The following CREB5 variants were observed in gnomAD, a reference collection of about 807,000 sequenced individuals.
CREB5 encodes cAMP responsive element binding protein 5, also known as cyclic AMP-responsive element-binding protein 5.
Under a neutral mutation model 57.1 loss-of-function variants are expected in CREB5, and 19 were observed. That is an observed-to-expected ratio of 0.33 (90% CI 0.23 to 0.49). The LOEUF (loss-of-function observed/expected upper bound fraction) is 0.49, where lower values mean the gene tolerates loss of function less well. CREB5 is among the 20% of genes least tolerant of loss of function. The probability of loss-of-function intolerance (pLI) is 0.99; values close to 1 mark genes in which losing one functional copy is unlikely to be tolerated. For synonymous variants in CREB5, 238 were observed against 238.3 expected (o/e 1.00, Z 0.01); for missense variants, 579 against 671.6 (o/e 0.86, Z 1.52).
At chr7:28,688,539 A>G (rs1272102795) in intron 5 of CREB5, among the ~76,000 whole-genome samples, 3 of 152,240 alleles carry the variant, frequency 2.0e-5, no homozygotes, top group Non-Finnish European at 4.4e-5. Flanking sequence ...TTCAAAGATC[A>G]TGAAAAGCAA....
chr7:28,667,994 A>G (rs1232218288), intron 5 of CREB5, among the ~76,000 whole-genome samples: 1 of 152,202 alleles, frequency 6.6e-6, no homozygotes, highest in African/African-American at 2.4e-5. Context: ...AGTCACATGA[A>G]GTTAATCATA....
intron 7 of CREB5, among the ~76,000 whole-genome samples, chr7:28,736,851 C>T (rs1034686980): frequency 6.8e-6 from 1 of 147,234 alleles, no homozygotes; most frequent in Admixed American, 6.8e-5. Context: ...TAACAGTAGG[C>T]CCCTGATGTT....
chr7:28,628,039 G>T (rs1156701919), intron 5 of CREB5, among the ~76,000 whole-genome samples: 1 of 151,952 alleles, frequency 6.6e-6, no homozygotes, highest in Non-Finnish European at 1.5e-5. Context: ...CTCTTTTCCA[G>T]TTATTTGGAA....
chr7:28,669,076 C>T (rs546423674), intron 5 of CREB5, among the ~76,000 whole-genome samples: 1 of 152,258 alleles, frequency 6.6e-6, no homozygotes, highest in Admixed American at 6.5e-5. Context: ...CCCTTTCTTG[C>T]AATGAAAACA....
At chr7:28,559,667 C>T (rs1367403132) in intron 4 of CREB5, among the ~76,000 whole-genome samples, 5 of 152,198 alleles carry the variant, frequency 3.3e-5, no homozygotes, top group African/African-American at 1.2e-4. Flanking sequence ...ACGTGCCTGA[C>T]TTAGACAAGA....
chr7:28,417,944 G>C (rs1405555767), intron 1 of CREB5, among the ~76,000 whole-genome samples: 1 of 152,192 alleles, frequency 6.6e-6, no homozygotes, highest in Non-Finnish European at 1.5e-5. Flanking sequence ...TGCTTCACTA[G>C]AAATCTTAAT....
chr7:28,562,651 G>A (rs1372000130), intron 4 of CREB5, among the ~76,000 whole-genome samples: 1 of 152,170 alleles, frequency 6.6e-6, no homozygotes, highest in Non-Finnish European at 1.5e-5. Context: ...CAAGTCAAAG[G>A]GGAGCTGCCT....
At chr7:28,380,434 C>A (rs2127995750) in intron 1 of CREB5, among the ~76,000 whole-genome samples, 1 of 152,298 alleles carries the variant, frequency 6.6e-6, no homozygotes, top group South Asian at 2.1e-4. Flanking sequence ...TAATGGCTGA[C>A]ACCAGGTCTG....
chr7:28,641,037 C>T (rs183774465), intron 5 of CREB5, among the ~76,000 whole-genome samples: 22 of 152,268 alleles, frequency 1.4e-4, no homozygotes, highest in African/African-American at 5.1e-4. Context: ...TCATCCTGAA[C>T]GACATCACCC....
intron 1 of CREB5, among the ~76,000 whole-genome samples, chr7:28,316,625 A>G (rs1202919242): frequency 6.6e-6 from 1 of 152,138 alleles, no homozygotes; most frequent in Non-Finnish European, 1.5e-5. Context: ...AACAAGGCCC[A>G]GGAAGTCCCC....
intron 7 of CREB5, among the ~76,000 whole-genome samples, chr7:28,777,279 A>G (rs1333248893): frequency 6.6e-6 from 1 of 152,236 alleles, no homozygotes. Context: ...GTGATGTGCT[A>G]CTATCCGGTG....
chr7:28,568,791 A>C (rs1411455668), intron 4 of CREB5, among the ~76,000 whole-genome samples: 3 of 152,196 alleles, frequency 2.0e-5, no homozygotes, highest in Non-Finnish European at 4.4e-5. Flanking sequence ...AAACCTGGGA[A>C]AGGTGCAATG....
chr7:28,472,397 G>A (rs1385290261), intron 1 of CREB5, among the ~76,000 whole-genome samples: 1 of 152,098 alleles, frequency 6.6e-6, no homozygotes, highest in Non-Finnish European at 1.5e-5. Flanking sequence ...TATGACATAG[G>A]TATTATCTCT....
Position 28,819,224 on chromosome 7 carries a change from G to A in CREB5, c.1472G>A (p.Ser491Asn). 6.2e-7 allele frequency: 1 copy of A among 1,613,880 alleles called. No homozygotes were observed. The highest frequency in any genetic ancestry group is 8.5e-7 in the Non-Finnish European group (1 of 1,179,884). The stretch of plus-strand genomic sequence containing the variant: ...TCATCGGTCAGCGAGGTGGTAGGAA[G>A]CTCCACCCTCAGCCAGCTCACCACT... ...TSSSVSEVVG[S>N]STLSQLTTHR... The change falls in exon 11 of 11, where the codon AGC becomes AAC. Residue 491 changes from serine to asparagine, a missense_variant. This residue lies in a region of CREB5 where 114 missense variants were observed against 130.8 expected (regional missense o/e 0.87). Transcript: ENST00000357727.
chr7:28,553,844 A>G (rs545373732), intron 4 of CREB5, among the ~76,000 whole-genome samples: 11 of 152,350 alleles, frequency 7.2e-5, no homozygotes, highest in African/African-American at 2.6e-4. Context: ...ATGTCTTTCC[A>G]GAATAAAATG....
Position 28,470,889 on chromosome 7 carries a change from T to C in CREB5, c.4-17286T>C, listed in dbSNP as rs138993535. Among the ~76,000 whole-genome samples the C allele has an allele frequency of 8.7e-3, 1,328 of 152,348 alleles. 29 individuals carry two copies. The highest frequency in any genetic ancestry group is 0.029 in the African/African-American group (1,222 of 41,580). ...TTTGTATGTCTTCTTTTGAGAAATGTCTCTTCAAATTTTTTGCCCAATTTT... is the reference window on the plus strand; with the variant it reads ...TTTGTATGTCTTCTTTTGAGAAATGCCTCTTCAAATTTTTTGCCCAATTTT... On this transcript the variant is annotated intron_variant, in intron 1 of 10. Coordinates refer to ENST00000357727, the MANE Select transcript of CREB5 (RefSeq NM_182898.4).
rs542219263 is a variant in CREB5 at position 28,328,307 on chromosome 7, A to G, written c.-25+28866A>G. Among the ~76,000 whole-genome samples, 11 of 152,354 alleles carry G rather than the reference A, an allele frequency of 7.2e-5. No individual in the cohort carries two copies. In the South Asian group the frequency reaches 2.3e-3, roughly 32 times the overall value. ...ATTGTCATGTCTATAGTTGGCCACA[A>G]GAAAGAACTAAGAAACAGAGCAGTT... is the stretch of plus-strand genomic sequence containing the variant. On this transcript the variant is annotated intron_variant, in intron 1 of 9. Transcript: ENST00000396299.
intron 5 of CREB5, among the ~76,000 whole-genome samples, chr7:28,684,827 T>G (rs905564001): frequency 6.6e-6 from 1 of 152,226 alleles, no homozygotes; most frequent in Non-Finnish European, 1.5e-5. Context: ...TTCATGTTAC[T>G]TTTTTCTTTT....
chr7:28,684,500 C>T (rs1168922815), intron 5 of CREB5, among the ~76,000 whole-genome samples: 8 of 152,208 alleles, frequency 5.3e-5, no homozygotes, highest in South Asian at 2.1e-4. Flanking sequence ...ACCCTGAGTA[C>T]GGCAACACTC....
Sources: allele counts gnomAD v4.1 joint callset (sites outside exome capture counted in the v4.1 genomes callset), GRCh38; gene constraint gnomAD v4.1.1; regional missense constraint gnomAD v4.1.1; transcripts MANE v1.5; gene names NCBI Gene and HGNC (gene_info 2026-07-23, HGNC 2026-07-21).